Variants in CTTNBP2 observed in about 807,000 individuals in gnomAD.
CTTNBP2 encodes cortactin-binding protein 2.
CTTNBP2 carries 108 observed loss-of-function variants against 156.9 expected under a neutral mutation model. The observed-to-expected ratio is 0.69, with a 90% CI of 0.59 to 0.81. The LOEUF is 0.81. CTTNBP2 is among the 30% of genes least tolerant of loss of function. The probability of loss-of-function intolerance (pLI) is 0.00; values close to 1 mark genes in which losing one functional copy is unlikely to be tolerated. For synonymous variants in CTTNBP2, 767 were observed against 751.8 expected (o/e 1.02, Z -0.33); for missense variants, 1,924 against 2,035.4 (o/e 0.95, Z 1.05).
At chr7:117,719,246 G>A (rs1275159291) in intron 21 of CTTNBP2, among the ~76,000 whole-genome samples, 1 of 152,116 alleles carries the variant, frequency 6.6e-6, no homozygotes, top group African/African-American at 2.4e-5. Flanking sequence ...GATGTGACTT[G>A]TACTAATGCA....
chr7:117,852,990 G>C (rs1350247736), intron 2 of CTTNBP2, among the ~76,000 whole-genome samples: 1 of 151,912 alleles, frequency 6.6e-6, no homozygotes, highest in Admixed American at 6.6e-5. Flanking sequence ...CTAAAGTAGG[G>C]GTACTACCAC....
At position 117,836,499 on chromosome 7, in the gene CTTNBP2, C is replaced by G. The variant is rs527869721; in HGVS notation, c.189+24710G>C. Among the ~76,000 whole-genome samples, 8 of 152,252 alleles carry G rather than the reference C, an allele frequency of 5.3e-5. No individual in the cohort carries two copies. In the East Asian group the frequency reaches 7.7e-4, roughly 15 times the overall value. On this transcript the variant is annotated intron_variant, in intron 2 of 22. Coordinates refer to ENST00000160373, the MANE Select transcript of CTTNBP2 (RefSeq NM_033427.3). ...GAATGGCATGAACCCAGAGGCGGAG[C>G]TGGCAGTGAGCTGAGATCGCGCCAC...
At chr7:117,788,626 G>C (rs1239237784) in intron 4 of CTTNBP2, among the ~76,000 whole-genome samples, 1 of 152,124 alleles carries the variant, frequency 6.6e-6, no homozygotes, top group Non-Finnish European at 1.5e-5. Context: ...GGCGAAAATA[G>C]GGGCAATCTA....
At chr7:117,850,398 A>G (rs1177103683) in intron 2 of CTTNBP2, among the ~76,000 whole-genome samples, 1 of 152,246 alleles carries the variant, frequency 6.6e-6, no homozygotes, top group African/African-American at 2.4e-5. Flanking sequence ...TCATTGGTAC[A>G]AAACAGCCAT....
chr7:117,792,286 A>T lies in CTTNBP2; in HGVS notation c.910T>A (p.Ser304Thr). 1.2e-6 allele frequency: 2 copies of T among 1,614,004 alleles called. No individual in the cohort carries two copies. Among genetic ancestry groups the T allele is most frequent in the Non-Finnish European group, 1.7e-6 (2 of 1,179,976 alleles). Residue 304 changes from serine to threonine, a missense_variant, in exon 4 of 23, where the codon TCT (serine) becomes ACT (threonine). Transcript: ENST00000160373. This position sits in a 1 kb window ranked among gnomAD's most constrained non-coding sequence, Gnocchi z 4.2. ...ACTAGGTCTGTCTGGCATGCAACAG[A>T]CCTTGTCACAGTTCCTTCTGTTCCC... Reference protein sequence around the residue: ...SVGTEGTVTRSVACQTDLVTE... With the variant: ...SVGTEGTVTRTVACQTDLVTE...
chr7:117,743,038 T>G (rs1351276906), intron 14 of CTTNBP2, among the ~76,000 whole-genome samples: 1 of 152,188 alleles, frequency 6.6e-6, no homozygotes, highest in Non-Finnish European at 1.5e-5. Flanking sequence ...GCCAATGAGA[T>G]CTGAGTTTCC....
Position 117,757,870 on chromosome 7 carries a change from C to T in CTTNBP2, c.3268+5G>A. 6.3e-7 allele frequency: 1 copy of T among 1,598,476 alleles called. No homozygotes were observed. The highest frequency in any genetic ancestry group is 8.5e-7 in the Non-Finnish European group (1 of 1,171,026). ...AAACGTCACCTTAGTTAGGGACATCCTTACCTGACAAAAGCACAGTGATGT... is the reference window on the plus strand; with the variant it reads ...AAACGTCACCTTAGTTAGGGACATCTTTACCTGACAAAAGCACAGTGATGT... On this transcript the variant is annotated splice_donor_5th_base_variant and intron_variant, in intron 11 of 22. Coordinates refer to ENST00000160373, the MANE Select transcript of CTTNBP2 (RefSeq NM_033427.3).
At chr7:117,788,712 G>A (rs939426846) in intron 4 of CTTNBP2, among the ~76,000 whole-genome samples, 1 of 152,186 alleles carries the variant, frequency 6.6e-6, no homozygotes, top group African/African-American at 2.4e-5. Context: ...GAGTTGTAGA[G>A]TCGTACACCC....
intron 14 of CTTNBP2, among the ~76,000 whole-genome samples, chr7:117,738,784 G>A (rs1011295568): frequency 6.6e-5 from 10 of 152,276 alleles, no homozygotes; most frequent in African/African-American, 2.4e-4. Context: ...AGGGCATTGA[G>A]GAAGGATCCA....
chr7:117,736,616 T>G (rs1795721780), intron 14 of CTTNBP2, among the ~76,000 whole-genome samples: 1 of 152,196 alleles, frequency 6.6e-6, no homozygotes, highest in African/African-American at 2.4e-5. Flanking sequence ...TGGGAAGGAC[T>G]GACTTTCTGT....
At chr7:117,771,829 G>T (rs1014066068) in intron 8 of CTTNBP2, among the ~76,000 whole-genome samples, 1 of 152,304 alleles carries the variant, frequency 6.6e-6, no homozygotes, top group African/African-American at 2.4e-5. Context: ...TAAGCAAAGT[G>T]TGGAGAGGTA....
chr7:117,800,391 T>C (rs887279354), intron 3 of CTTNBP2, among the ~76,000 whole-genome samples: 2 of 152,078 alleles, frequency 1.3e-5, no homozygotes, highest in African/African-American at 4.8e-5. Flanking sequence ...TATGTGGTGA[T>C]GGAAATATTC....
rs73477489 is a variant in CTTNBP2 at position 117,825,085 on chromosome 7, T to C, written c.190-14096A>G. Among the ~76,000 whole-genome samples the C allele has an allele frequency of 1.8e-3, 268 of 152,348 alleles. 1 individual carries two copies. Among genetic ancestry groups the C allele is most frequent in the African/African-American group, 6.3e-3 (261 of 41,580 alleles). ...AGCTGGTTGCCATTAAAATGCTTAA[T>C]ACCAGGAGTCGGTGGGTAGACTGGT... On this transcript the variant is annotated intron_variant, in intron 2 of 22. Transcript: ENST00000160373.
At chr7:117,782,756 G>C in intron 6 of CTTNBP2, 106 bp downstream of exon 6, 2 of 672,676 alleles carry the variant, frequency 3.0e-6, no homozygotes, top group Non-Finnish European at 5.1e-6. Context: ...ATTTGCCAGT[G>C]ATTTTAAGCA....
chr7:117,791,390 G>T lies in CTTNBP2; in HGVS notation c.1806C>A (p.Asn602Lys), dbSNP rs373528579. ...PQGNRVINEE[N>K]LPKSSSPQLP... ...GCTGAGGGGAGGATGACTTAGGAAG[G>T]TTCTCCTCATTGATCACCCTGTTCC... The change falls in exon 4 of 23, where the codon AAC becomes AAA. Residue 602 changes from asparagine (N) to lysine (K), a missense_variant. By Grantham distance (94) the Asn-to-Lys change is moderately conservative. Coordinates refer to ENST00000160373, the MANE Select transcript of CTTNBP2 (RefSeq NM_033427.3). 10 of 1,614,070 alleles carry T rather than the reference G, an allele frequency of 6.2e-6. No homozygotes were observed. The highest frequency in any genetic ancestry group is 2.7e-5 in the African/African-American group (2 of 74,926).
At chr7:117,726,336 G>A (rs1795094488) in intron 17 of CTTNBP2, among the ~76,000 whole-genome samples, 1 of 152,156 alleles carries the variant, frequency 6.6e-6, no homozygotes, top group East Asian at 1.9e-4. Context: ...TCTATTTTAA[G>A]TTTCTCTCTT....
chr7:117,714,515 A>C (rs1227146369), intron 22 of CTTNBP2, among the ~76,000 whole-genome samples: 1 of 152,154 alleles, frequency 6.6e-6, no homozygotes, highest in African/African-American at 2.4e-5. Flanking sequence ...AAATCTACAG[A>C]GTTAATTAAT....
chr7:117,860,034 C>T (rs77837076), intron 2 of CTTNBP2, among the ~76,000 whole-genome samples: 3,764 of 152,284 alleles, frequency 0.025, 64 homozygotes, highest in Middle Eastern at 0.051. Flanking sequence ...ACGCTCCTGT[C>T]ACAGGTAACA....
intron 1 of CTTNBP2, among the ~76,000 whole-genome samples, chr7:117,869,530 C>CT (rs1286153341): frequency 6.6e-6 from 1 of 152,176 alleles, no homozygotes; most frequent in Non-Finnish European, 1.5e-5. Flanking sequence ...CACAGCCTTC[C>CT]TGTCCACATG....
Sources: gnomAD v4.1 joint callset for allele counts (sites outside exome capture counted in the v4.1 genomes callset) on GRCh38, gnomAD v4.1.1 for gene constraint, Gnocchi (gnomAD v3.1) non-coding constraint, MANE v1.5 for transcripts, NCBI Gene and HGNC (gene_info 2026-07-23, HGNC 2026-07-21) for gene names.